THSD7A: variants seen among roughly 807,000 people sequenced by gnomAD.
The protein encoded by THSD7A is thrombospondin type 1 domain containing 7A, also known as thrombospondin type-1 domain-containing protein 7A.
A neutral mutation model predicts 231.3 loss-of-function variants in THSD7A; 96 were observed. That is an observed-to-expected ratio of 0.41 (90% CI 0.35 to 0.49). The LOEUF (loss-of-function observed/expected upper bound fraction) is 0.49. Ranked by LOEUF, THSD7A falls within the 20% of genes least tolerant of loss-of-function variation. The probability of loss-of-function intolerance (pLI) is 0.05; values close to 1 mark genes in which losing one functional copy is unlikely to be tolerated. For synonymous variants in THSD7A, 940 were observed against 743.3 expected (o/e 1.26, Z -4.30); for missense variants, 2,290 against 2,070.2 (o/e 1.11, Z -2.06).
At chr7:11,761,120 T>C (rs1037991169) in intron 1 of THSD7A, among the ~76,000 whole-genome samples, 7 of 151,916 alleles carry the variant, frequency 4.6e-5, no homozygotes, top group Non-Finnish European at 8.8e-5. Flanking sequence ...CTGCTGTTTC[T>C]AAAACTTGAA....
rs769560132 is a variant in THSD7A, at chr7:11,379,079, A to G, written c.4792T>C (p.Phe1598Leu). The change falls in exon 26 of 28, where the codon TTT (phenylalanine) becomes CTT (leucine). Residue 1598 changes from phenylalanine (F) to leucine (L), a missense_variant. By Grantham distance (22) the Phe-to-Leu change is conservative (BLOSUM62 0). Transcript: ENST00000423059. ...AGTCTAGTCAGTTCACCTGGCCCAAATGGCTGTAGAAACCAGGTCCTTCCC... is the reference window on the plus strand; with the variant it reads ...AGTCTAGTCAGTTCACCTGGCCCAAGTGGCTGTAGAAACCAGGTCCTTCCC... ...GRGRTWFLQP[F>L]GPDGRLKTWV... The G allele has an allele frequency of 3.7e-6, 6 of 1,613,166 alleles. No individual in the cohort carries two copies. The highest frequency in any genetic ancestry group is 5.1e-6 in the Non-Finnish European group (6 of 1,179,598).
intron 13 of THSD7A, among the ~76,000 whole-genome samples, chr7:11,432,073 A>G (rs1269632624): frequency 2.0e-5 from 3 of 152,168 alleles, no homozygotes; most frequent in Non-Finnish European, 4.4e-5. Context: ...CTAATTTACT[A>G]TACAGTATTT....
chr7:11,557,348 G>C (rs1789889878), intron 4 of THSD7A, among the ~76,000 whole-genome samples: 1 of 151,972 alleles, frequency 6.6e-6, no homozygotes, highest in Non-Finnish European at 1.5e-5. Context: ...TTAATTTGCT[G>C]AAGATTTCTA....
intron 1 of THSD7A, among the ~76,000 whole-genome samples, chr7:11,796,076 ATT>A (rs1265180830): frequency 8.0e-6 from 1 of 125,470 alleles, no homozygotes; most frequent in African/African-American, 3.0e-5. Flanking sequence ...ATATATATAT[ATT>A]TGGATCAGTA....
chr7:11,741,124 A>G (rs1187429027), intron 1 of THSD7A, among the ~76,000 whole-genome samples: 1 of 151,946 alleles, frequency 6.6e-6, no homozygotes, highest in Non-Finnish European at 1.5e-5. Flanking sequence ...ACTCTTAATA[A>G]TTACACTAAT....
intron 2 of THSD7A, among the ~76,000 whole-genome samples, chr7:11,600,238 G>A (rs1185671339): frequency 1.3e-5 from 2 of 151,990 alleles, no homozygotes; most frequent in East Asian, 3.9e-4. Context: ...AATATCACTT[G>A]AAACTTTACA....
chr7:11,773,655 T>A (rs528320319), intron 1 of THSD7A, among the ~76,000 whole-genome samples: 22 of 152,306 alleles, frequency 1.4e-4, no homozygotes, highest in African/African-American at 5.1e-4. Context: ...ATTTCTTTTT[T>A]AAAAAATGTT....
At chr7:11,739,890 G>A (rs1181238281) in intron 1 of THSD7A, among the ~76,000 whole-genome samples, 2 of 152,014 alleles carry the variant, frequency 1.3e-5, no homozygotes, top group African/African-American at 4.8e-5. Context: ...AAAGGTAGGT[G>A]AGGCAGAGAA....
rs1583317641 is a variant in THSD7A at position 11,820,636 on chromosome 7, C to T, written c.190+11121G>A. On this transcript the variant is annotated intron_variant, in intron 1 of 27. Transcript: ENST00000423059. ...GCTTGAAATTGAAAGTTTCCTCGAG[C>T]GCTCTGCCACCTCCTCTTTCACTTG... The T allele has an allele frequency of 2.1e-5, 16 of 757,692 alleles. No homozygotes were observed. The East Asian group carries it at 3.3e-4, about 15-fold the overall frequency. 46.9% of individuals were successfully genotyped at this position (757,692 alleles called of 1,614,324 possible).
chr7:11,667,053 A>T (rs1360967832), intron 1 of THSD7A, among the ~76,000 whole-genome samples: 3 of 152,094 alleles, frequency 2.0e-5, no homozygotes, highest in Non-Finnish European at 2.9e-5. Context: ...AGCTTTGTTC[A>T]CAAATTTTTT....
chr7:11,434,451 A>C (rs962215695), intron 13 of THSD7A, among the ~76,000 whole-genome samples: 2 of 152,136 alleles, frequency 1.3e-5, no homozygotes, highest in Non-Finnish European at 2.9e-5. Flanking sequence ...CATTCATTTG[A>C]ATTATGAATG....
intron 23 of THSD7A, among the ~76,000 whole-genome samples, chr7:11,383,158 T>G (rs754293495): frequency 1.3e-5 from 2 of 151,690 alleles, no homozygotes; most frequent in Non-Finnish European, 1.5e-5. Context: ...CACACATAAT[T>G]ACTATATACA....
intron 1 of THSD7A, among the ~76,000 whole-genome samples, chr7:11,805,057 T>A (rs945300662): frequency 3.3e-5 from 5 of 152,138 alleles, no homozygotes; most frequent in Non-Finnish European, 7.4e-5. Flanking sequence ...AGGGCCGATA[T>A]TGTAGTCATT....
intron 6 of THSD7A, among the ~76,000 whole-genome samples, chr7:11,482,955 T>C (rs1786491565): frequency 6.6e-6 from 1 of 152,194 alleles, no homozygotes; most frequent in Non-Finnish European, 1.5e-5. Context: ...CTCTATGGTT[T>C]AGTTGATTAA....
intron 1 of THSD7A, among the ~76,000 whole-genome samples, chr7:11,720,967 T>C (rs1184125753): frequency 6.6e-6 from 1 of 151,828 alleles, no homozygotes; most frequent in African/African-American, 2.4e-5. Context: ...TTTTGCTCTG[T>C]ATACTCTCCA....
intron 16 of THSD7A, 106 bp from the exon 17 acceptor site, chr7:11,417,709 A>G (rs1229004258): frequency 4.3e-6 from 5 of 1,176,428 alleles, no homozygotes; most frequent in African/African-American, 3.2e-5. Context: ...GTTCTCCTTA[A>G]GACATCGTTA....
intron 13 of THSD7A, among the ~76,000 whole-genome samples, chr7:11,442,883 G>A (rs1479221817): frequency 6.6e-6 from 1 of 152,038 alleles, no homozygotes; most frequent in Non-Finnish European, 1.5e-5. Context: ...TCCCCACGAA[G>A]TCAATGTCAT....
At chr7:11,476,378 A>G (rs1313386827) in intron 7 of THSD7A, among the ~76,000 whole-genome samples, 1 of 151,340 alleles carries the variant, frequency 6.6e-6, no homozygotes, top group Non-Finnish European at 1.5e-5. Context: ...TTTTAAGTGT[A>G]AAGAACTAAT....
intron 1 of THSD7A, among the ~76,000 whole-genome samples, chr7:11,640,990 A>G (rs578057800): frequency 1.4e-4 from 22 of 152,216 alleles, no homozygotes; most frequent in African/African-American, 3.4e-4. Flanking sequence ...ATTTTTCACA[A>G]TGTTGATCCC....
Sources: gnomAD v4.1 joint callset for allele counts (sites outside exome capture counted in the v4.1 genomes callset) on GRCh38, gnomAD v4.1.1 for gene constraint, MANE v1.5 for transcripts, NCBI Gene and HGNC (gene_info 2026-07-23, HGNC 2026-07-21) for gene names.